FKTN: variants seen among roughly 807,000 people sequenced by gnomAD.
FKTN encodes the protein fukutin.
FKTN carries 47 observed loss-of-function variants against 58.6 expected under a neutral mutation model. The ratio of observed to expected loss-of-function variants is 0.80; its 90% CI spans 0.63 to 1.02. The LOEUF is 1.02. FKTN is among the 50% of genes least tolerant of loss of function. The probability of loss-of-function intolerance (pLI) is 0.00; values close to 1 mark genes in which losing one functional copy is unlikely to be tolerated. For missense variants in FKTN, 516 were observed against 537.3 expected, an observed-to-expected ratio of 0.96 and a Z score of 0.39; for synonymous variants, 178 against 191.9, an observed-to-expected ratio of 0.93 and a Z score of 0.60.
Position 105,635,866 on chromosome 9 carries a change from T to C in FKTN, c.*602T>C. The C allele has an allele frequency of 1.0e-6, 1 of 992,850 alleles. No individual in the cohort carries two copies. The highest frequency in any genetic ancestry group is 1.2e-6 in the Non-Finnish European group (1 of 833,672). The allele number at this position is 992,850 out of a possible 1,614,324, so 61.5% of individuals were successfully genotyped here. On this transcript the variant is annotated 3_prime_UTR_variant, in exon 11 of 11. Coordinates refer to ENST00000357998, the MANE Select transcript of FKTN (RefSeq NM_001079802.2). Reference sequence around the variant, plus strand: ...TTATTCTTTTAGGGAAGGTGAGAGCTTATTTGTATCAGAGCTTATTACTTG... The same window carrying C: ...TTATTCTTTTAGGGAAGGTGAGAGCCTATTTGTATCAGAGCTTATTACTTG...
chr9:105,586,365 C>T (rs547501551), intron 3 of FKTN, among the ~76,000 whole-genome samples: 23 of 152,230 alleles, frequency 1.5e-4, no homozygotes, highest in South Asian at 2.1e-4. Context: ...TGTCTGTGGG[C>T]GCCAACTTTC....
At chr9:105,612,993 TGA>T (rs1309584950) in intron 7 of FKTN, among the ~76,000 whole-genome samples, 1 of 152,074 alleles carries the variant, frequency 6.6e-6, no homozygotes, top group African/African-American at 2.4e-5. Context: ...ATGGAATTTC[TGA>T]GAGTGTCATG....
rs142825196 is a variant in FKTN, at chr9:105,573,463, A to G, written c.-180-192A>G. 3.2e-4 allele frequency among the ~76,000 whole-genome samples: 48 copies of G among 152,182 alleles called. 1 individual carries two copies. In the East Asian group the frequency reaches 8.4e-3, roughly 26 times the overall value. ...ACATAGCAAGACCCTGTCTTTACAAATAAATTTTTAAAAAATTAGCTGGGC... is the reference window on the plus strand; with the variant it reads ...ACATAGCAAGACCCTGTCTTTACAAGTAAATTTTTAAAAAATTAGCTGGGC... On this transcript the variant is annotated intron_variant, in intron 1 of 10. Coordinates refer to ENST00000357998, the MANE Select transcript of FKTN (RefSeq NM_001079802.2).
intron 6 of FKTN, among the ~76,000 whole-genome samples, chr9:105,606,210 A>G (rs931294303): frequency 3.3e-5 from 5 of 152,072 alleles, no homozygotes; most frequent in African/African-American, 1.2e-4. Flanking sequence ...AACTGGAAGA[A>G]TTTTATTTCT....
At chr9:105,573,202 TC>T (rs1294752764) in intron 1 of FKTN, among the ~76,000 whole-genome samples, 1 of 151,188 alleles carries the variant, frequency 6.6e-6, no homozygotes, top group African/African-American at 2.4e-5. Flanking sequence ...GCCACTGCAC[TC>T]CATCCAGCCT....
rs3030697 is a variant in FKTN at position 105,598,932 on chromosome 9, G to GAC, written c.166-2193_166-2192dup. Among the ~76,000 whole-genome samples the GAC allele has an allele frequency of 8.2e-3, 1,229 of 149,948 alleles. 17 individuals carry two copies. Among genetic ancestry groups the GAC allele is most frequent in the African/African-American group, 0.026 (1,073 of 40,874 alleles). Reference sequence around the variant, plus strand: ...AGCACAGAAAGTAATAACCCTAAAAGACACACACACACACACACACAAAAT... The same window carrying GAC: ...AGCACAGAAAGTAATAACCCTAAAAGACACACACACACACACACACACAAAAT... On this transcript the variant is annotated intron_variant, in intron 4 of 10. Coordinates refer to ENST00000357998, the MANE Select transcript of FKTN (RefSeq NM_001079802.2).
Position 105,639,642 on chromosome 9 carries a change from G to GAA in FKTN, c.*4387_*4388dup. 8.8e-6 allele frequency: 8 copies of GAA among 911,886 alleles called. No individual in the cohort carries two copies. The highest frequency in any genetic ancestry group is 5.1e-5 in the South Asian group (1 of 19,728). 56.5% of individuals were successfully genotyped at this position (911,886 alleles called of 1,614,324 possible). On this transcript the variant is annotated 3_prime_UTR_variant, in exon 11 of 11. Transcript: ENST00000357998. ...AGATTGCATGACTGAATTTGCTTAA[G>GAA]AAAAAAAAAATTGTATCAAGTCATT... is the stretch of plus-strand genomic sequence containing the variant.
intron 3 of FKTN, among the ~76,000 whole-genome samples, chr9:105,586,804 T>G (rs1001885041): frequency 6.6e-6 from 1 of 152,232 alleles, no homozygotes; most frequent in African/African-American, 2.4e-5. Context: ...TTTCTAGTAC[T>G]TTTAAGGTTT....
chr9:105,631,295 TG>T (rs1047573565), intron 10 of FKTN, among the ~76,000 whole-genome samples: 1 of 152,160 alleles, frequency 6.6e-6, no homozygotes, highest in Non-Finnish European at 1.5e-5. Flanking sequence ...TTAAACAATA[TG>T]CTAGAGGGCT....
At chr9:105,618,680 A>G (rs955042088) in intron 9 of FKTN, among the ~76,000 whole-genome samples, 1 of 152,198 alleles carries the variant, frequency 6.6e-6, no homozygotes, top group Non-Finnish European at 1.5e-5. Context: ...CCTCTAGACA[A>G]TTTGATTCCT....
intron 10 of FKTN, among the ~76,000 whole-genome samples, chr9:105,631,981 C>T (rs62575149): frequency 9.7e-4 from 141 of 144,976 alleles, no homozygotes; most frequent in South Asian, 4.4e-3. Flanking sequence ...ATGTTTATTG[C>T]GGCATTATTC....
Position 105,635,915 on chromosome 9 carries a change from A to T in FKTN, c.*651A>T. 1 of 988,868 alleles carries T rather than the reference A, an allele frequency of 1.0e-6. No individual in the cohort carries two copies. Among genetic ancestry groups the T allele is most frequent in the South Asian group, 4.6e-5 (1 of 21,610 alleles). 61.3% of individuals were successfully genotyped at this position (988,868 alleles called of 1,614,324 possible). A position where few individuals can be genotyped will look rare whatever the true frequency, so the allele number is the denominator to read the frequency against. On this transcript the variant is annotated 3_prime_UTR_variant, in exon 11 of 11. Transcript: ENST00000357998. ...TGTCAGGATAAGTAAATTTCTGTAC[A>T]TGTACTGTTTTCATATGTGAAGTGA...
At chr9:105,627,189 C>T (rs976402343) in intron 10 of FKTN, among the ~76,000 whole-genome samples, 12 of 152,058 alleles carry the variant, frequency 7.9e-5, no homozygotes, top group African/African-American at 2.9e-4. Context: ...CCAGGCTAGT[C>T]TCAAACCCCT....
At chr9:105,591,354 A>G (rs1461349873) in intron 3 of FKTN, among the ~76,000 whole-genome samples, 2 of 152,030 alleles carry the variant, frequency 1.3e-5, no homozygotes, top group African/African-American at 4.8e-5. Flanking sequence ...TTAGTTAGTT[A>G]CTCCCAAGAT....
At chr9:105,572,177 GA>G (rs1039965767) in intron 1 of FKTN, among the ~76,000 whole-genome samples, 14 of 151,906 alleles carry the variant, frequency 9.2e-5, no homozygotes, top group Admixed American at 5.9e-4. Context: ...CTGATCAGGT[GA>G]ATTGTTCACA....
At chr9:105,619,826 G>A (rs776627363) in intron 9 of FKTN, 108 bp from the exon 10 acceptor site, 1 of 986,942 alleles carries the variant, frequency 1.0e-6, no homozygotes, top group Non-Finnish European at 1.5e-6. Flanking sequence ...AATACTCTAT[G>A]TATGTAAAAC....
chr9:105,584,370 A>C lies in FKTN; in HGVS notation c.105+9233A>C, dbSNP rs117701471. 7.4e-3 allele frequency among the ~76,000 whole-genome samples: 1,126 copies of C among 152,210 alleles called. 10 individuals are homozygous for C. Among genetic ancestry groups the C allele is most frequent in the Middle Eastern group, 0.02 (6 of 294 alleles). On this transcript the variant is annotated intron_variant, in intron 3 of 10. Transcript: ENST00000357998. ...AAAGAAAATATAATCTTTGAACAGA[A>C]GTGGTATGTAATTAAAGTTCAGGTA...
At chr9:105,565,337 A>G (rs1455259021) in intron 1 of FKTN, among the ~76,000 whole-genome samples, 1 of 152,216 alleles carries the variant, frequency 6.6e-6, no homozygotes, top group African/African-American at 2.4e-5. Context: ...TGCCCCAAGT[A>G]AAAGACACAG....
In FKTN at chr9:105,639,620, T is replaced by C; in HGVS notation, c.*4356T>C. On this transcript the variant is annotated 3_prime_UTR_variant, in exon 11 of 11. Transcript: ENST00000357998. Reference sequence around the variant, plus strand: ...AGAACATATTCCTTTACTCAAAAGATTGCATGACTGAATTTGCTTAAGAAA... The same window carrying C: ...AGAACATATTCCTTTACTCAAAAGACTGCATGACTGAATTTGCTTAAGAAA... The C allele has an allele frequency of 1.0e-6, 1 of 971,526 alleles. No individual in the cohort carries two copies. The highest frequency in any genetic ancestry group is 1.2e-6 in the Non-Finnish European group (1 of 817,472). 60.2% of individuals were successfully genotyped at this position (971,526 alleles called of 1,614,324 possible).
Sources: gnomAD v4.1 joint callset for allele counts (sites outside exome capture counted in the v4.1 genomes callset) on GRCh38, gnomAD v4.1.1 for gene constraint, MANE v1.5 for transcripts, NCBI Gene and HGNC (gene_info 2026-07-23, HGNC 2026-07-21) for gene names.